Variants in DNAH9 observed in about 807,000 individuals in gnomAD.
DNAH9 encodes the protein DNAH9 variant protein.
In DNAH9, 345 loss-of-function variants were observed where a neutral mutation model predicts 471.6. That is an observed-to-expected ratio of 0.73 (90% CI 0.67 to 0.80). The LOEUF (loss-of-function observed/expected upper bound fraction) is 0.80. Ranked by LOEUF, DNAH9 falls within the 30% of genes least tolerant of loss-of-function variation. The pLI, the probability that DNAH9 is intolerant of heterozygous loss-of-function variation, is 0.00. For synonymous variants in DNAH9, 2,093 were observed against 2,123.6 expected (o/e 0.99, Z 0.40); for missense variants, 5,407 against 5,609.2 (o/e 0.96, Z 1.15).
At chr17:11,714,525 C>T (rs2074926698) in intron 26 of DNAH9, among the ~76,000 whole-genome samples, 1 of 152,138 alleles carries the variant, frequency 6.6e-6, no homozygotes, top group Admixed American at 6.5e-5. Flanking sequence ...AGACAGAATT[C>T]TACAAATGAT....
At position 11,807,813 on chromosome 17, in the gene DNAH9, G is replaced by T. The variant is rs1321983562; in HGVS notation, c.8502G>T (p.Leu2834=). 1.2e-6 allele frequency: 2 copies of T among 1,614,092 alleles called. No homozygotes were observed. The highest frequency in any genetic ancestry group is 1.7e-6 in the Non-Finnish European group (2 of 1,179,954). The part of the protein sequence containing the change: ...VGVGGSGKQS[L]TRLAAFISSM... Reference sequence around the variant, plus strand: ...TAGGTGGGAGCGGCAAGCAGAGCCTGACAAGGCTGGCAGCTTTCATCAGCT... The same window carrying T: ...TAGGTGGGAGCGGCAAGCAGAGCCTTACAAGGCTGGCAGCTTTCATCAGCT... The change falls in exon 44 of 69, where the codon CTG becomes CTT. Residue 2834 remains leucine, a synonymous_variant. Coordinates refer to ENST00000262442, the MANE Select transcript of DNAH9 (RefSeq NM_001372.4).
chr17:11,954,694 CA>C (rs1975547989), intron 67 of DNAH9, among the ~76,000 whole-genome samples: 1 of 149,854 alleles, frequency 6.7e-6, no homozygotes, highest in Non-Finnish European at 1.5e-5. Flanking sequence ...TCTTAGAACC[CA>C]GGAGGCGGAG....
chr17:11,598,756 G>C lies in DNAH9; in HGVS notation c.258G>C (p.Gly86=). 2 of 1,436,494 alleles carry C rather than the reference G, an allele frequency of 1.4e-6. No individual in the cohort carries two copies. Among genetic ancestry groups the C allele is most frequent in the Non-Finnish European group, 1.8e-6 (2 of 1,100,716 alleles). The allele number at this position is 1,436,494 out of a possible 1,614,324, so 89.0% of individuals were successfully genotyped here. A position where few individuals can be genotyped will look rare whatever the true frequency, so the allele number is the denominator to read the frequency against. Residue 86 remains glycine, a synonymous_variant, in exon 1 of 69, where the codon GGG becomes GGC. Coordinates refer to ENST00000262442, the MANE Select transcript of DNAH9 (RefSeq NM_001372.4). ...PGPRGLAIRP[G]LEVGPESGLA... ...CCAGGGGCCTGGCAATACGCCCCGG[G>C]CTGGAGGTGGGACCTGAGTCGGGCC... is the stretch of plus-strand genomic sequence containing the variant.
At chr17:11,634,596 G>A (rs1020410833) in intron 8 of DNAH9, among the ~76,000 whole-genome samples, 1 of 152,176 alleles carries the variant, frequency 6.6e-6, no homozygotes, top group Non-Finnish European at 1.5e-5. Context: ...CTTCCATTGA[G>A]GCAGAGCTAC....
intron 67 of DNAH9, among the ~76,000 whole-genome samples, chr17:11,957,405 G>C (rs963966755): frequency 3.3e-5 from 5 of 151,972 alleles, no homozygotes; most frequent in African/African-American, 1.2e-4. Context: ...TATTCCTCCT[G>C]CTAAGTATAA....
intron 50 of DNAH9, among the ~76,000 whole-genome samples, chr17:11,866,247 C>T (rs1274741301): frequency 1.3e-5 from 2 of 152,138 alleles, no homozygotes; most frequent in Admixed American, 6.5e-5. Flanking sequence ...ACAGGACCCT[C>T]AGCTGCAGGT....
chr17:11,801,273 T>C (rs1211046761), intron 43 of DNAH9, among the ~76,000 whole-genome samples: 1 of 152,174 alleles, frequency 6.6e-6, no homozygotes, highest in Admixed American at 6.5e-5. Context: ...TCTTCAAATA[T>C]TTTTTTGTAT....
At chr17:11,717,933 A>T (rs1272043948) in intron 26 of DNAH9, among the ~76,000 whole-genome samples, 1 of 152,152 alleles carries the variant, frequency 6.6e-6, no homozygotes, top group Non-Finnish European at 1.5e-5. Context: ...GAGTACAATG[A>T]CATGATCTCA....
intron 60 of DNAH9, among the ~76,000 whole-genome samples, chr17:11,904,327 G>A (rs1973512975): frequency 1.3e-5 from 2 of 152,076 alleles, no homozygotes; most frequent in South Asian, 2.1e-4. Flanking sequence ...GAGCCTCTGA[G>A]GAGCCACAAG....
At chr17:11,693,718 C>G (rs2074377900) in intron 20 of DNAH9, 150 bp from the exon 21 acceptor site, 5 of 847,904 alleles carry the variant, frequency 5.9e-6, no homozygotes, top group Non-Finnish European at 9.6e-6. Flanking sequence ...AAGCTGAATG[C>G]AGCTTAAACT....
At chr17:11,611,589 C>G in intron 3 of DNAH9, 61 bp from the exon 4 acceptor site, 1 of 1,560,748 alleles carries the variant, frequency 6.4e-7, no homozygotes. Flanking sequence ...GATGGGTCAT[C>G]ACAGTGTGAC....
chr17:11,635,811 A>AC (rs1273960148), intron 8 of DNAH9, among the ~76,000 whole-genome samples: 5 of 152,172 alleles, frequency 3.3e-5, no homozygotes, highest in African/African-American at 1.2e-4. Context: ...GCACAGGAAC[A>AC]CATCTTCAGA....
At chr17:11,819,704 A>G (rs1970243553) in intron 45 of DNAH9, among the ~76,000 whole-genome samples, 1 of 152,226 alleles carries the variant, frequency 6.6e-6, no homozygotes, top group Non-Finnish European at 1.5e-5. Flanking sequence ...GCAAAGAATG[A>G]AAAATGGCAA....
intron 49 of DNAH9, among the ~76,000 whole-genome samples, chr17:11,835,413 T>C (rs1462607747): frequency 6.6e-6 from 1 of 152,208 alleles, no homozygotes. Context: ...ATCTATAAAA[T>C]CAAAATTGGT....
At chr17:11,947,914 G>A (rs368865042) in intron 67 of DNAH9, among the ~76,000 whole-genome samples, 24 of 148,024 alleles carry the variant, frequency 1.6e-4, no homozygotes, top group African/African-American at 6.0e-4. Flanking sequence ...CCCGGCTCCC[G>A]CCAGCACGCC....
intron 24 of DNAH9, among the ~76,000 whole-genome samples, chr17:11,702,676 C>A (rs2074621799): frequency 6.6e-6 from 1 of 152,130 alleles, no homozygotes; most frequent in Non-Finnish European, 1.5e-5. Flanking sequence ...TCAAACACTT[C>A]TAAGAGATGA....
chr17:11,768,325 T>C (rs375848349), intron 36 of DNAH9, 128 bp from the exon 37 acceptor site: 2 of 959,594 alleles, frequency 2.1e-6, no homozygotes, highest in East Asian at 2.4e-5. Flanking sequence ...GGAGCTGGTC[T>C]AGCCGGCAGG....
intron 38 of DNAH9, among the ~76,000 whole-genome samples, chr17:11,772,338 A>G (rs894413387): frequency 9.2e-5 from 14 of 152,194 alleles, no homozygotes; most frequent in Admixed American, 2.6e-4. Context: ...TCCTTTAAAT[A>G]GAGGGTAAAC....
intron 50 of DNAH9, among the ~76,000 whole-genome samples, chr17:11,864,271 C>T (rs969120534): frequency 9.9e-5 from 15 of 151,212 alleles, no homozygotes; most frequent in South Asian, 2.1e-4. Context: ...GCCTTCATTT[C>T]GTTATGTACC....
Sources: allele counts gnomAD v4.1 joint callset (sites outside exome capture counted in the v4.1 genomes callset), GRCh38; gene constraint gnomAD v4.1.1; transcripts MANE v1.5; gene names NCBI Gene and HGNC (gene_info 2026-07-23, HGNC 2026-07-21).